ITGA6: variants seen among roughly 807,000 people sequenced by gnomAD.
ITGA6 encodes the protein integrin subunit alpha 6, also known as integrin alpha-6.
Under a neutral mutation model 133.6 loss-of-function variants are expected in ITGA6, and 63 were observed. The observed-to-expected ratio is 0.47, with a 90% confidence interval of 0.38 to 0.58. The LOEUF is 0.58. Ranked by LOEUF, ITGA6 falls within the 20% of genes least tolerant of loss-of-function variation. The pLI is 0.00. For missense variants in ITGA6, 1,068 were observed against 1,309.4 expected (o/e 0.82, Z 2.85); for synonymous variants, 434 against 482.0 (o/e 0.90, Z 1.30).
intron 7 of ITGA6, 36 bp from the exon 8 acceptor site, chr2:172,475,561 G>A (rs368862941): frequency 5.3e-5 from 58 of 1,099,930 alleles, no homozygotes; most frequent in Admixed American, 2.9e-4. Context: ...TTTCTAAAGC[G>A]TTTGTTAAAA....
intron 8 of ITGA6, 73 bp from the exon 9 acceptor site, chr2:172,476,322 G>A: frequency 1.2e-6 from 1 of 850,184 alleles, no homozygotes; most frequent in South Asian, 1.3e-5. Context: ...AAACTTGTGT[G>A]TCTTTTTCAA....
At chr2:172,431,681 T>A (rs1684111031) in intron 1 of ITGA6, among the ~76,000 whole-genome samples, 1 of 152,226 alleles carries the variant, frequency 6.6e-6, no homozygotes, top group African/African-American at 2.4e-5. Flanking sequence ...CAGGGCCATC[T>A]TCCAGGGATT....
In ITGA6 at chr2:172,431,501, G is replaced by C. The variant is rs75477283; in HGVS notation, c.182+3531G>C. 9.5e-3 allele frequency among the ~76,000 whole-genome samples: 1,441 copies of C among 152,274 alleles called. 13 individuals carry two copies. Among genetic ancestry groups the C allele is most frequent in the African/African-American group, 0.033 (1,355 of 41,536 alleles). ...CTTACTATTGACTCTATTCCAGCTG[G>C]CCTTGGAACAAGTTCTGGGTCCGTC... is the stretch of plus-strand genomic sequence containing the variant. On this transcript the variant is annotated intron_variant, in intron 1 of 25. Coordinates refer to ENST00000684293, the MANE Select transcript of ITGA6 (RefSeq NM_000210.4).
At chr2:172,454,153 G>A (rs1484688523) in intron 1 of ITGA6, among the ~76,000 whole-genome samples, 3 of 150,442 alleles carry the variant, frequency 2.0e-5, no homozygotes, top group Non-Finnish European at 4.4e-5. Context: ...GTGCCATCTC[G>A]GCTCACTGCA....
At chr2:172,484,409 G>C (rs1422266947) in intron 11 of ITGA6, among the ~76,000 whole-genome samples, 1 of 151,852 alleles carries the variant, frequency 6.6e-6, no homozygotes, top group Non-Finnish European at 1.5e-5. Context: ...GGTTTAAAGG[G>C]AGAAAATCAG....
Position 172,465,521 on chromosome 2 carries a change from T to C in ITGA6, c.183-18T>C. On this transcript the variant is annotated intron_variant, in intron 1 of 25. Transcript: ENST00000684293. ...ATATTAAATTCAAATCTCCAAATTGTCTCTGTTTCATCAACAGGTTGCTCG... is the reference window on the plus strand; with the variant it reads ...ATATTAAATTCAAATCTCCAAATTGCCTCTGTTTCATCAACAGGTTGCTCG... 6.2e-7 allele frequency: 1 copy of C among 1,614,042 alleles called. No individual in the cohort carries two copies. The highest frequency in any genetic ancestry group is 8.5e-7 in the Non-Finnish European group (1 of 1,179,972).
chr2:172,433,481 G>A (rs1178279096), intron 1 of ITGA6, among the ~76,000 whole-genome samples: 1 of 152,166 alleles, frequency 6.6e-6, no homozygotes, highest in East Asian at 1.9e-4. Context: ...TTTTGTGCAG[G>A]ATTCCTAACC....
At chr2:172,453,672 C>T (rs1214665913) in intron 1 of ITGA6, among the ~76,000 whole-genome samples, 3 of 152,186 alleles carry the variant, frequency 2.0e-5, no homozygotes, top group South Asian at 2.1e-4. Context: ...CTTTCCTGGG[C>T]AGGGGCATTG....
At chr2:172,450,932 AATAAAT>A (rs1331024485) in intron 1 of ITGA6, among the ~76,000 whole-genome samples, 3 of 141,968 alleles carry the variant, frequency 2.1e-5, no homozygotes, top group African/African-American at 8.4e-5. Context: ...TATAAATTTA[AATAAAT>A]ATAAATATAT....
intron 1 of ITGA6, among the ~76,000 whole-genome samples, chr2:172,445,310 A>G (rs1018696573): frequency 2.3e-5 from 3 of 131,548 alleles, no homozygotes; most frequent in African/African-American, 8.6e-5. Flanking sequence ...TTAGTATCCT[A>G]TTTCTAAATC....
At chr2:172,481,891 C>T (rs1686458728) in intron 11 of ITGA6, among the ~76,000 whole-genome samples, 1 of 152,108 alleles carries the variant, frequency 6.6e-6, no homozygotes, top group African/African-American at 2.4e-5. Context: ...TTATTTTTAC[C>T]CAAATGCCAT....
At position 172,491,415 on chromosome 2, in the gene ITGA6, C is replaced by G; in HGVS notation, c.2890-10C>G. ...TTCACTTCCCTAATGCATTCACTGTCTCCAAACAGGAATATTCCAAACTGA... is the reference window on the plus strand; with the variant it reads ...TTCACTTCCCTAATGCATTCACTGTGTCCAAACAGGAATATTCCAAACTGA... On this transcript the variant is annotated splice_polypyrimidine_tract_variant and intron_variant, in intron 22 of 25. Transcript: ENST00000684293. This position sits in a 1 kb window ranked among gnomAD's most constrained non-coding sequence, Gnocchi z 4.4. 2 of 1,607,492 alleles carry G rather than the reference C, an allele frequency of 1.2e-6. No homozygotes were observed. The highest frequency in any genetic ancestry group is 8.5e-7 in the Non-Finnish European group (1 of 1,173,986).
intron 23 of ITGA6, among the ~76,000 whole-genome samples, chr2:172,492,673 G>A (rs7564654): frequency 0.24 from 36,193 of 152,034 alleles, 4,911 homozygotes; most frequent in East Asian, 0.55. Flanking sequence ...TAAAGATCTC[G>A]AGGCAGAATG....
chr2:172,430,301 C>A (rs780484620), intron 1 of ITGA6, among the ~76,000 whole-genome samples: 102 of 152,328 alleles, frequency 6.7e-4, no homozygotes, highest in Non-Finnish European at 5.3e-4. Flanking sequence ...TACTGTGTGT[C>A]AGGTACCTTA....
intron 13 of ITGA6, among the ~76,000 whole-genome samples, chr2:172,486,193 A>C (rs13386596): frequency 0.029 from 4,374 of 150,926 alleles, 227 homozygotes; most frequent in African/African-American, 0.1. Context: ...AAAAAAAAAA[A>C]AAAACAACTA....
intron 8 of ITGA6, among the ~76,000 whole-genome samples, chr2:172,475,981 T>G (rs1331152212): frequency 1.3e-5 from 2 of 152,210 alleles, no homozygotes; most frequent in Non-Finnish European, 2.9e-5. Flanking sequence ...CGATATATTC[T>G]CTTTAGTAGC....
At chr2:172,472,584 T>C (rs943262664) in intron 5 of ITGA6, among the ~76,000 whole-genome samples, 8 of 152,222 alleles carry the variant, frequency 5.3e-5, no homozygotes, top group Non-Finnish European at 1.2e-4. Flanking sequence ...GTGGAATCTG[T>C]CACTTCAAAA....
chr2:172,442,106 A>C (rs1052627296), intron 1 of ITGA6, among the ~76,000 whole-genome samples: 8 of 152,224 alleles, frequency 5.3e-5, no homozygotes, highest in African/African-American at 1.9e-4. Context: ...ATCCAGAAGC[A>C]GCTGTGTGTT....
At chr2:172,465,708 T>C in intron 2 of ITGA6, 45 bp downstream of exon 2, 1 of 1,613,778 alleles carries the variant, frequency 6.2e-7, no homozygotes, top group Non-Finnish European at 8.5e-7. Flanking sequence ...GCAGCTTGCC[T>C]GTACTGTTTC....
Sources: gnomAD v4.1 joint callset for allele counts (sites outside exome capture counted in the v4.1 genomes callset) on GRCh38, gnomAD v4.1.1 for gene constraint, Gnocchi (gnomAD v3.1) non-coding constraint, MANE v1.5 for transcripts, NCBI Gene and HGNC (gene_info 2026-07-23, HGNC 2026-07-21) for gene names.